The following FOXP2 variants were observed in gnomAD, a reference collection of about 807,000 sequenced individuals.
The protein encoded by FOXP2 is forkhead box protein P2.
In FOXP2, 12 loss-of-function variants were observed where a neutral mutation model predicts 115.8. The observed-to-expected ratio is 0.10, with a 90% CI of 0.07 to 0.17. The LOEUF is 0.17. FOXP2 is among the 10% of genes least tolerant of loss of function. The probability of loss-of-function intolerance (pLI) is 1.00; values close to 1 mark genes in which losing one functional copy is unlikely to be tolerated. For synonymous variants in FOXP2, 328 were observed against 297.7 expected (o/e 1.10, Z -1.05); for missense variants, 629 against 843.5 (o/e 0.75, Z 3.15).
At chr7:114,382,777 C>T (rs571692632) in intron 2 of FOXP2, among the ~76,000 whole-genome samples, 2 of 152,218 alleles carry the variant, frequency 1.3e-5, no homozygotes, top group South Asian at 4.2e-4. Context: ...AGTTAGTTGG[C>T]CTTCAGTAGA....
intron 2 of FOXP2, among the ~76,000 whole-genome samples, chr7:114,330,197 G>A (rs1268036355): frequency 6.6e-6 from 1 of 151,832 alleles, no homozygotes; most frequent in Non-Finnish European, 1.5e-5. Flanking sequence ...AATATTATTA[G>A]AGTTAAGGTT....
At chr7:114,375,110 GA>G (rs1792109729) in intron 2 of FOXP2, among the ~76,000 whole-genome samples, 2 of 152,096 alleles carry the variant, frequency 1.3e-5, no homozygotes, top group East Asian at 3.9e-4. Flanking sequence ...AAAAAAAATT[GA>G]TAAGGGTTGA....
chr7:114,517,903 G>A (rs1175576057), intron 2 of FOXP2, among the ~76,000 whole-genome samples: 1 of 151,882 alleles, frequency 6.6e-6, no homozygotes, highest in Non-Finnish European at 1.5e-5. Flanking sequence ...TTGAATCTGT[G>A]GATCACTTGG....
At chr7:114,214,112 C>A (rs190367217) in intron 1 of FOXP2, among the ~76,000 whole-genome samples, 2 of 152,304 alleles carry the variant, frequency 1.3e-5, no homozygotes, top group East Asian at 3.9e-4. Context: ...ACATTTTATA[C>A]ATTTTGAATG....
chr7:114,547,524 G>A (rs1223338524), intron 3 of FOXP2, among the ~76,000 whole-genome samples: 4 of 152,154 alleles, frequency 2.6e-5, no homozygotes, highest in African/African-American at 9.7e-5. Flanking sequence ...TTGGGAGGCC[G>A]AGGCGGGCGG....
intron 1 of FOXP2, among the ~76,000 whole-genome samples, chr7:114,100,103 T>G (rs1584478588): frequency 1.3e-5 from 2 of 152,310 alleles, no homozygotes; most frequent in South Asian, 2.1e-4. Flanking sequence ...GTCTAATATT[T>G]GAAAAAAATT....
intron 1 of FOXP2, among the ~76,000 whole-genome samples, chr7:114,133,680 A>T (rs899548759): frequency 6.6e-6 from 1 of 152,096 alleles, no homozygotes; most frequent in Non-Finnish European, 1.5e-5. Context: ...ATTGGGTTGG[A>T]CCATTCATAA....
chr7:114,472,858 T>C (rs1227852677), intron 2 of FOXP2, among the ~76,000 whole-genome samples: 1 of 152,154 alleles, frequency 6.6e-6, no homozygotes, highest in African/African-American at 2.4e-5. Context: ...TGGGTAGGTG[T>C]GCATGTCTGT....
chr7:114,498,666 A>G (rs1797430214), intron 2 of FOXP2, among the ~76,000 whole-genome samples: 1 of 152,224 alleles, frequency 6.6e-6, no homozygotes. Context: ...TCTAATTAAT[A>G]ACAGAAAAAT....
chr7:114,125,679 T>G (rs1173428164), intron 1 of FOXP2, among the ~76,000 whole-genome samples: 1 of 152,088 alleles, frequency 6.6e-6, no homozygotes, highest in Non-Finnish European at 1.5e-5. Context: ...ATCCCTGATG[T>G]TCAGTGAATC....
chr7:114,187,901 G>A lies in FOXP2; in HGVS notation c.-102+24813G>A, dbSNP rs994061770. On this transcript the variant is annotated intron_variant, in intron 1 of 17. Transcript: ENST00000634411. Reference sequence around the variant, plus strand: ...CATGGCAGAATGGTTTAGAGAGAGCGAAAGAGGGGGCTAAACTCACCCTTT... The same window carrying A: ...CATGGCAGAATGGTTTAGAGAGAGCAAAAGAGGGGGCTAAACTCACCCTTT... Among the ~76,000 whole-genome samples the A allele has an allele frequency of 3.3e-5, 5 of 152,100 alleles. No homozygotes were observed. The East Asian group carries it at 9.7e-4, about 29-fold the overall frequency.
chr7:114,199,519 C>A (rs779645427), intron 1 of FOXP2, among the ~76,000 whole-genome samples: 25 of 152,070 alleles, frequency 1.6e-4, no homozygotes, highest in African/African-American at 1.2e-4. Flanking sequence ...GGGAGCAGAG[C>A]TAAGAGAAGT....
chr7:114,445,951 TA>T (rs1794816210), intron 2 of FOXP2, among the ~76,000 whole-genome samples: 1 of 152,124 alleles, frequency 6.6e-6, no homozygotes, highest in African/African-American at 2.4e-5. Flanking sequence ...TGTGACAATG[TA>T]ATAGCCAATC....
chr7:114,386,400 A>C (rs1411332643), intron 2 of FOXP2, among the ~76,000 whole-genome samples: 1 of 152,210 alleles, frequency 6.6e-6, no homozygotes, highest in Non-Finnish European at 1.5e-5. Context: ...AAAGCACAAA[A>C]ATGTACTAAT....
intron 2 of FOXP2, among the ~76,000 whole-genome samples, chr7:114,375,777 C>T (rs1167902218): frequency 6.6e-6 from 1 of 152,150 alleles, no homozygotes; most frequent in Non-Finnish European, 1.5e-5. Flanking sequence ...GTTGACCGGG[C>T]TGCTGGCTTC....
At chr7:114,187,209 T>G (rs1793630502) in intron 1 of FOXP2, among the ~76,000 whole-genome samples, 1 of 152,228 alleles carries the variant, frequency 6.6e-6, no homozygotes, top group Admixed American at 6.5e-5. Flanking sequence ...CTTTGTGTTC[T>G]TTCTTATTTA....
chr7:114,242,461 A>G (rs1405108993), intron 1 of FOXP2, among the ~76,000 whole-genome samples: 3 of 152,020 alleles, frequency 2.0e-5, no homozygotes, highest in African/African-American at 7.2e-5. Flanking sequence ...TTACAATTTG[A>G]CCATATCCCC....
At chr7:114,149,903 G>T (rs977568136) in intron 1 of FOXP2, among the ~76,000 whole-genome samples, 1 of 151,936 alleles carries the variant, frequency 6.6e-6, no homozygotes. Context: ...AGGAAATTTG[G>T]TTTGAGGACT....
Position 114,391,761 on chromosome 7 carries a change from T to G in FOXP2, c.-10-34741T>G, listed in dbSNP as rs1044523664. On this transcript the variant is annotated intron_variant, in intron 2 of 17. Coordinates refer to the FOXP2 transcript ENST00000634411. The stretch of plus-strand genomic sequence containing the variant: ...ATGTCTAAGAATTATCAACTGATCT[T>G]GTTGTAAGCTGAGAAAATACGTGAC... 3.9e-5 allele frequency among the ~76,000 whole-genome samples: 6 copies of G among 152,302 alleles called. No individual in the cohort carries two copies. The East Asian group carries it at 9.6e-4, about 24-fold the overall frequency.
Sources: gnomAD v4.1 joint callset for allele counts (sites outside exome capture counted in the v4.1 genomes callset) on GRCh38, gnomAD v4.1.1 for gene constraint, MANE v1.5 for transcripts, NCBI Gene and HGNC (gene_info 2026-07-23, HGNC 2026-07-21) for gene names.